The following PEX12 variants were observed in gnomAD, a reference collection of about 807,000 sequenced individuals.
PEX12 encodes peroxisome assembly protein 12.
Under a neutral mutation model 32.5 loss-of-function variants are expected in PEX12, and 31 were observed. That is an observed-to-expected ratio of 0.95 (90% CI 0.72 to 1.29). PEX12 has a LOEUF of 1.29. PEX12 is among the 50% of genes most tolerant of loss of function. The probability of loss-of-function intolerance (pLI) is 0.00; values close to 1 mark genes in which losing one functional copy is unlikely to be tolerated. For synonymous variants in PEX12, 148 were observed against 157.2 expected (o/e 0.94, Z 0.44); for missense variants, 359 against 419.0 (o/e 0.86, Z 1.25).
chr17:35,576,363 A>C (rs2072785307), intron 2 of PEX12, among the ~76,000 whole-genome samples, 182 bp from the exon 3 acceptor site: 1 of 152,118 alleles, frequency 6.6e-6, no homozygotes. Flanking sequence ...ACAATATTTT[A>C]GGAGCATAGG....
In PEX12 at chr17:35,578,229, CA is replaced by C. The variant is rs1250275235; in HGVS notation, c.-209del. On this transcript the variant is annotated 5_prime_UTR_variant, in exon 1 of 3. Transcript: ENST00000225873. ...AGGGTAGTCTCAAGAAGGTTAAGAA[CA>C]AAGTTAACTCGGACGTGGGTGGAAG... 3 of 583,012 alleles carry C rather than the reference CA, an allele frequency of 5.1e-6. No homozygotes were observed. Among genetic ancestry groups the C allele is most frequent in the Non-Finnish European group, 9.3e-6 (3 of 323,822 alleles). 36.1% of individuals were successfully genotyped at this position (583,012 alleles called of 1,614,324 possible).
At position 35,578,064 on chromosome 17, in the gene PEX12, C is replaced by T. The variant is rs1336269954; in HGVS notation, c.-43G>A. 1 of 1,613,384 alleles carries T rather than the reference C, an allele frequency of 6.2e-7. No individual in the cohort carries two copies. The highest frequency in any genetic ancestry group is 1.1e-5 in the South Asian group (1 of 90,918). On this transcript the variant is annotated 5_prime_UTR_variant, in exon 1 of 3. Coordinates refer to ENST00000225873, the MANE Select transcript of PEX12 (RefSeq NM_000286.3). ...GGCTTTCACTTTTCCCACAAACTCT[C>T]TCGTGAGCATGAACTTTTTCGGGAG...
chr17:35,576,015 G>A lies in PEX12; in HGVS notation c.847C>T (p.Pro283Ser), dbSNP rs753527027. The A allele has an allele frequency of 3.1e-6, 5 of 1,614,084 alleles. No homozygotes were observed. The East Asian group carries it at 8.9e-5, about 29-fold the overall frequency. Reference protein sequence around the residue: ...IKSLTALPTPPPPVHLDYNSD... With the variant: ...IKSLTALPTPSPPVHLDYNSD... ...TTATAGTCTAGGTGTACAGGTGGTG[G>A]TGGAGTAGGCAGGGCAGTCAATGAC... Residue 283 changes from proline (P) to serine (S), a missense_variant, in exon 3 of 3, where the codon CCA becomes TCA. Coordinates refer to ENST00000225873, the MANE Select transcript of PEX12 (RefSeq NM_000286.3).
rs759749799 is a variant in PEX12 at position 35,577,485 on chromosome 17, G to A, written c.233C>T (p.Thr78Ile). ...LLLQQHYLSR[T>I]SASFSENFYG... ...AAAGTTTTCAGAAAATGAGGCACTG[G>A]TTCTAGACAGATAATGTTGCTGGAG... The change falls in exon 2 of 3, where the codon ACC becomes ATC. Residue 78 changes from threonine (T) to isoleucine (I), a missense_variant. Thr to Ile is a moderately conservative substitution (Grantham distance 89, BLOSUM62 -1). Transcript: ENST00000225873. The A allele has an allele frequency of 1.4e-5, 22 of 1,613,978 alleles. No individual in the cohort carries two copies. The highest frequency in any genetic ancestry group is 3.3e-5 in the South Asian group (3 of 91,074).
Position 35,578,473 on chromosome 17 carries a change from T to G in PEX12, c.-452A>C. 3.7e-6 allele frequency: 1 copy of G among 272,994 alleles called. No homozygotes were observed. The highest frequency in any genetic ancestry group is 9.0e-5 in the East Asian group (1 of 11,088). 16.9% of individuals were successfully genotyped at this position (272,994 alleles called of 1,614,324 possible). A position where few individuals can be genotyped will look rare whatever the true frequency, so the allele number is the denominator to read the frequency against. On this transcript the variant is annotated 5_prime_UTR_variant, in exon 1 of 3. Coordinates refer to ENST00000225873, the MANE Select transcript of PEX12 (RefSeq NM_000286.3). ...CAAGGGCTGACTCCAGCTGTTGGCT[T>G]TGAGTATCCCCGCCCGCGCCCGTCC...
rs2072788684 is a variant in PEX12 at position 35,576,932 on chromosome 17, A to C, written c.680+106T>G. 6.3e-6 allele frequency: 6 copies of C among 946,014 alleles called. No homozygotes were observed. In the South Asian group the frequency reaches 8.0e-5, roughly 13 times the overall value. 58.6% of individuals were successfully genotyped at this position (946,014 alleles called of 1,614,324 possible). A position where few individuals can be genotyped will look rare whatever the true frequency, so the allele number is the denominator to read the frequency against. On this transcript the variant is annotated intron_variant, in intron 2 of 2. Transcript: ENST00000225873. ...GGACACAAGGAATAGCTTTTCTATG[A>C]CTCTATGAAATGCCACAAAGTTAAC... is the stretch of plus-strand genomic sequence containing the variant.
In PEX12 at chr17:35,577,455, C is replaced by G. The variant is rs1195136213; in HGVS notation, c.263G>C (p.Gly88Ala). The change falls in exon 2 of 3, where the codon GGC becomes GCC. Residue 88 changes from glycine to alanine, a missense_variant. Physicochemically the swap from Gly to Ala is moderately conservative, Grantham distance 60. Coordinates refer to ENST00000225873, the MANE Select transcript of PEX12 (RefSeq NM_000286.3). ...GTCCCCCATTACAATTCTCTTTAAGCCGTAAAAGTTTTCAGAAAATGAGGC... is the reference window on the plus strand; with the variant it reads ...GTCCCCCATTACAATTCTCTTTAAGGCGTAAAAGTTTTCAGAAAATGAGGC... ...TSASFSENFY[G>A]LKRIVMGDTH... The G allele has an allele frequency of 1.9e-6, 3 of 1,613,946 alleles. No individual in the cohort carries two copies. The highest frequency in any genetic ancestry group is 1.3e-5 in the African/African-American group (1 of 74,884).
At chr17:35,576,488 A>AAG in intron 2 of PEX12, among the ~76,000 whole-genome samples, 1 of 86,134 alleles carries the variant, frequency 1.2e-5, no homozygotes, top group South Asian at 3.5e-4. Context: ...AGTGATCCAG[A>AAG]AAAAAAAAAA....
rs766411953 is a variant in PEX12, at chr17:35,577,261, T to C, written c.457A>G (p.Lys153Glu). Residue 153 changes from lysine (K) to glutamate (E), a missense_variant, in exon 2 of 3, where the codon AAA (lysine) becomes GAA (glutamate). Transcript: ENST00000225873. ...YSIHPPSSRW[K>E]RFYRAFLAAY... ...GCCAGGAAAGCTCTGTAAAATCGTT[T>C]CCAGCGGGAAGAAGGGGGATGAATA... 6.2e-7 allele frequency: 1 copy of C among 1,614,160 alleles called. No individual in the cohort carries two copies.
intron 1 of PEX12, 124 bp downstream of exon 1, chr17:35,577,765 CTCTTAAG>C: frequency 7.3e-7 from 1 of 1,379,252 alleles, no homozygotes. Flanking sequence ...GACTCAGTAA[CTCTTAAG>C]TCATGGGATA....
chr17:35,576,353 AC>A (rs1271593115), intron 2 of PEX12, among the ~76,000 whole-genome samples, 172 bp from the exon 3 acceptor site: 1 of 152,164 alleles, frequency 6.6e-6, no homozygotes, highest in African/African-American at 2.4e-5. Flanking sequence ...ATTCTAACTT[AC>A]AATATTTTAG....
rs771507228 is a variant in PEX12 at position 35,577,482 on chromosome 17, C to G, written c.236G>C (p.Ser79Thr). Residue 79 changes from serine (S) to threonine (T), a missense_variant, in exon 2 of 3, where the codon AGT (serine) becomes ACT (threonine). Coordinates refer to ENST00000225873, the MANE Select transcript of PEX12 (RefSeq NM_000286.3). ...GTAAAAGTTTTCAGAAAATGAGGCA[C>G]TGGTTCTAGACAGATAATGTTGCTG... Reference protein sequence around the residue: ...LLQQHYLSRTSASFSENFYGL... With the variant: ...LLQQHYLSRTTASFSENFYGL... The G allele has an allele frequency of 1.7e-5, 28 of 1,613,928 alleles. No homozygotes were observed. The East Asian group carries it at 5.6e-4, about 32-fold the overall frequency.
chr17:35,577,465 T>G lies in PEX12; in HGVS notation c.253A>C (p.Asn85His). Residue 85 changes from asparagine to histidine, a missense_variant, in exon 2 of 3, where the codon AAC (asparagine) becomes CAC (histidine). By Grantham distance (68) the Asn-to-His change is moderately conservative. Coordinates refer to ENST00000225873, the MANE Select transcript of PEX12 (RefSeq NM_000286.3). ...LSRTSASFSE[N>H]FYGLKRIVMG... is the part of the protein sequence containing the mutation. ...ACAATTCTCTTTAAGCCGTAAAAGT[T>G]TTCAGAAAATGAGGCACTGGTTCTA... 1 of 1,614,152 alleles carries G rather than the reference T, an allele frequency of 6.2e-7. No homozygotes were observed. The highest frequency in any genetic ancestry group is 8.5e-7 in the Non-Finnish European group (1 of 1,180,036).
intron 1 of PEX12, 61 bp from the exon 2 acceptor site, chr17:35,577,652 A>C: frequency 6.7e-7 from 1 of 1,502,450 alleles, no homozygotes; most frequent in Non-Finnish European, 9.2e-7. Context: ...ACACCTATTT[A>C]CATTCCCCCT....
Position 35,575,528 on chromosome 17 carries a change from T to A in PEX12, c.*254A>T, listed in dbSNP as rs1420651132. ...TCATTATTCTGTTTAATCTCTACAC[T>A]GGCCCTCATATCCCCTGCCAGTCCT... On this transcript the variant is annotated 3_prime_UTR_variant, in exon 3 of 3. Transcript: ENST00000225873. The A allele has an allele frequency of 1.9e-6, 1 of 515,664 alleles. No individual in the cohort carries two copies. Among genetic ancestry groups the A allele is most frequent in the Admixed American group, 3.2e-5 (1 of 31,562 alleles). The allele number at this position is 515,664 out of a possible 1,614,324, so 31.9% of individuals were successfully genotyped here. A position where few individuals can be genotyped will look rare whatever the true frequency, so the allele number is the denominator to read the frequency against.
In PEX12 at chr17:35,578,326, A is replaced by T. The variant is rs2072800064; in HGVS notation, c.-305T>A. On this transcript the variant is annotated 5_prime_UTR_variant, in exon 1 of 3. Transcript: ENST00000225873. ...CAGAGCGTGACTGTGGGGGACAGGTATGGGGGAAGGAACGCAATCCTCTGG... is the reference window on the plus strand; with the variant it reads ...CAGAGCGTGACTGTGGGGGACAGGTTTGGGGGAAGGAACGCAATCCTCTGG... The T allele has an allele frequency of 5.3e-6, 2 of 375,102 alleles. No homozygotes were observed. The highest frequency in any genetic ancestry group is 3.7e-5 in the Admixed American group (1 of 27,184). 23.2% of individuals were successfully genotyped at this position (375,102 alleles called of 1,614,324 possible).
chr17:35,577,814 C>T (rs2072795956), intron 1 of PEX12, 82 bp downstream of exon 1: 1 of 1,592,154 alleles, frequency 6.3e-7, no homozygotes, highest in African/African-American at 1.3e-5. Flanking sequence ...ATTTCAAACG[C>T]TAGGCTACCA....
intron 1 of PEX12, 82 bp from the exon 2 acceptor site, chr17:35,577,673 A>C (rs1431808293): frequency 2.0e-5 from 29 of 1,443,674 alleles, no homozygotes; most frequent in Non-Finnish European, 2.8e-5. Flanking sequence ...TTTCCTCTAA[A>C]GTCTACACAA....
chr17:35,575,615 G>T lies in PEX12; in HGVS notation c.*167C>A. 1.4e-6 allele frequency: 1 copy of T among 721,740 alleles called. No homozygotes were observed. Among genetic ancestry groups the T allele is most frequent in the Non-Finnish European group, 2.4e-6 (1 of 413,340 alleles). The allele number at this position is 721,740 out of a possible 1,614,324, so 44.7% of individuals were successfully genotyped here. On this transcript the variant is annotated 3_prime_UTR_variant, in exon 3 of 3. Coordinates refer to ENST00000225873, the MANE Select transcript of PEX12 (RefSeq NM_000286.3). ...TAGGGTTCTAGAGAGCAGGCTAAAAGGTTAGGATCAAATGGGCATATCCTT... is the reference window on the plus strand; with the variant it reads ...TAGGGTTCTAGAGAGCAGGCTAAAATGTTAGGATCAAATGGGCATATCCTT...
Sources: gnomAD v4.1 joint callset for allele counts (sites outside exome capture counted in the v4.1 genomes callset) on GRCh38, gnomAD v4.1.1 for gene constraint, MANE v1.5 for transcripts, NCBI Gene and HGNC (gene_info 2026-07-23, HGNC 2026-07-21) for gene names.